OR4Q3: variants seen among roughly 807,000 people sequenced by gnomAD.
The protein encoded by OR4Q3 is olfactory receptor 4Q3.
OR4Q3 carries 17 observed loss-of-function variants against 18.8 expected under a neutral mutation model. The ratio of observed to expected loss-of-function variants is 0.91; its 90% CI spans 0.62 to 1.36. The LOEUF is 1.36. Ranked by LOEUF, OR4Q3 falls within the 40% of genes most tolerant of loss-of-function variation. The pLI is 0.00. For synonymous variants in OR4Q3, 158 were observed against 145.8 expected (o/e 1.08, Z -0.60); for missense variants, 378 against 373.4 (o/e 1.01, Z -0.10).
chr14:19,748,260 T>C, exon 2 of OR4Q3: 1 of 1,613,832 alleles, frequency 6.2e-7, no homozygotes, highest in Non-Finnish European at 8.5e-7. Context: ...TTTTACACAG[T>C]GATTACACCT....
chr14:19,751,317 T>C, downstream of OR4Q3, among the ~76,000 whole-genome samples: 1 of 152,242 alleles, frequency 6.6e-6, no homozygotes, highest in Non-Finnish European at 1.5e-5. Context: ...TCTATGTTCA[T>C]CAGGATATTG....
exon 2 of OR4Q3, chr14:19,748,629 G>T: frequency 2.2e-6 from 1 of 452,430 alleles, no homozygotes; most frequent in East Asian, 3.5e-5. Flanking sequence ...AGCATTAATT[G>T]AAAGATCAAC....
chr14:19,745,116 C>T, intron 1 of OR4Q3, among the ~76,000 whole-genome samples: 2 of 152,096 alleles, frequency 1.3e-5, no homozygotes, highest in South Asian at 2.1e-4. Flanking sequence ...TACAGGGCTG[C>T]CTATTTTTAT....
chr14:19,748,123 G>A, exon 2 of OR4Q3: 40 of 1,613,928 alleles, frequency 2.5e-5, no homozygotes, highest in Admixed American at 3.3e-5. Flanking sequence ...ACTTCTGCCA[G>A]GGCCAGAACA....
downstream of OR4Q3, among the ~76,000 whole-genome samples, chr14:19,749,758 TTCTC>T: frequency 6.9e-6 from 1 of 144,364 alleles, no homozygotes; most frequent in Non-Finnish European, 1.6e-5. Flanking sequence ...TCTTTCTTCT[TTCTC>T]TCTTTTTCTC....
At chr14:19,746,483 T>C in intron 1 of OR4Q3, among the ~76,000 whole-genome samples, 1 of 152,200 alleles carries the variant, frequency 6.6e-6, no homozygotes, top group Non-Finnish European at 1.5e-5. Context: ...CTCTTATTAC[T>C]CTGTCCTGTA....
downstream of OR4Q3, among the ~76,000 whole-genome samples, chr14:19,749,811 T>G: frequency 9.3e-6 from 1 of 107,802 alleles, no homozygotes; most frequent in East Asian, 2.1e-4. Flanking sequence ...TCTTTCTCTC[T>G]ATTTCTTAGA....
intron 1 of OR4Q3, among the ~76,000 whole-genome samples, chr14:19,745,945 A>T: frequency 6.6e-6 from 1 of 152,178 alleles, no homozygotes; most frequent in Non-Finnish European, 1.5e-5. Flanking sequence ...GGATGGTCAC[A>T]ATCATGGTGT....
exon 2 of OR4Q3, chr14:19,747,443 G>A: frequency 6.2e-7 from 1 of 1,601,922 alleles, no homozygotes; most frequent in African/African-American, 1.4e-5. Context: ...AAAAGAACAA[G>A]ATTCTAATGT....
At chr14:19,744,782 G>A in intron 1 of OR4Q3, among the ~76,000 whole-genome samples, 393 of 152,228 alleles carry the variant, frequency 2.6e-3, no homozygotes, top group African/African-American at 8.8e-3. Context: ...AGCCCTGCAG[G>A]GCTTTGGCAA....
At chr14:19,747,699 A>G in exon 2 of OR4Q3, 1 of 1,613,910 alleles carries the variant, frequency 6.2e-7, no homozygotes, top group African/African-American at 1.3e-5. Context: ...CAGCAGGGCA[A>G]GAGCATCTCT....
Position 19,747,479 on chromosome 14 carries a change from T to C in OR4Q3, c.76T>C (p.Ser26Pro). 13 of 1,612,958 alleles carry C rather than the reference T, an allele frequency of 8.1e-6. No individual in the cohort carries two copies. In the Admixed American group the frequency reaches 2.0e-4, roughly 25 times the overall value. The change falls in exon 2 of 2, where the codon TCA becomes CCA. Residue 26 changes from serine to proline, a missense_variant. Transcript: ENST00000642117. ...GACAGAATTTGTTCTTCTGGGCCTA[T>C]CATCTTCTTGGGAGCTGCAGCTATT... is the stretch of plus-strand genomic sequence containing the variant.
chr14:19,750,759 A>G, downstream of OR4Q3, among the ~76,000 whole-genome samples: 1 of 152,254 alleles, frequency 6.6e-6, no homozygotes, highest in South Asian at 2.1e-4. Context: ...CAGACTAGGA[A>G]CTAGGCTGCC....
chr14:19,751,728 G>T, downstream of OR4Q3, among the ~76,000 whole-genome samples: 1 of 151,942 alleles, frequency 6.6e-6, no homozygotes, highest in African/African-American at 2.4e-5. Context: ...TGTGGGATCA[G>T]TTGTAATGTC....
chr14:19,745,929 T>C, intron 1 of OR4Q3, among the ~76,000 whole-genome samples: 5 of 152,126 alleles, frequency 3.3e-5, no homozygotes, highest in African/African-American at 1.2e-4. Context: ...TATAGGCAGA[T>C]GAAGAGGATG....
exon 2 of OR4Q3, chr14:19,747,663 T>A: frequency 5.0e-6 from 8 of 1,614,102 alleles, no homozygotes; most frequent in Non-Finnish European, 6.8e-6. Flanking sequence ...TGTGTTACTG[T>A]GCCAAAGATG....
At chr14:19,751,789 A>C, downstream of OR4Q3, among the ~76,000 whole-genome samples, 2 of 149,250 alleles carry the variant, frequency 1.3e-5, no homozygotes, top group Non-Finnish European at 3.0e-5. Flanking sequence ...TTTATTTTTT[A>C]ATCTAACTAG....
At chr14:19,749,185 G>A in exon 2 of OR4Q3, 1 of 152,252 alleles carries the variant, frequency 6.6e-6, no homozygotes, top group African/African-American at 2.4e-5. Flanking sequence ...GTGATTGAAA[G>A]CACTCATTTT....
downstream of OR4Q3, among the ~76,000 whole-genome samples, chr14:19,750,609 A>C: frequency 2.6e-5 from 4 of 152,322 alleles, no homozygotes; most frequent in South Asian, 8.3e-4. Flanking sequence ...AATTGCAATA[A>C]CCCTGGTCGT....
Sources: allele counts gnomAD v4.1 joint callset (sites outside exome capture counted in the v4.1 genomes callset), GRCh38; gene constraint gnomAD v4.1.1; transcripts MANE v1.5; gene names NCBI Gene and HGNC (gene_info 2026-07-23, HGNC 2026-07-21).